Variants in NDUFAF2 observed in about 807,000 individuals in gnomAD.
The protein encoded by NDUFAF2 is NADH dehydrogenase [ubiquinone] 1 alpha subcomplex assembly factor 2.
NDUFAF2 carries 13 observed loss-of-function variants against 22.8 expected under a neutral mutation model. The ratio of observed to expected loss-of-function variants is 0.57; its 90% CI spans 0.37 to 0.91. The LOEUF (loss-of-function observed/expected upper bound fraction) is 0.91. Among genes scored for constraint, NDUFAF2 ranks in the 40% least tolerant of loss-of-function variants. The pLI, the probability that NDUFAF2 is intolerant of heterozygous loss-of-function variation, is 0.01. For missense variants in NDUFAF2, 162 were observed against 195.2 expected, an observed-to-expected ratio of 0.83 and a Z score of 1.01; for synonymous variants, 53 against 64.2, an observed-to-expected ratio of 0.83 and a Z score of 0.84.
At chr5:60,982,469 T>C (rs926076411) in intron 1 of NDUFAF2, among the ~76,000 whole-genome samples, 4 of 152,092 alleles carry the variant, frequency 2.6e-5, no homozygotes, top group African/African-American at 9.7e-5. Context: ...TACATATGTA[T>C]ATATGTGCCA....
intron 2 of NDUFAF2, among the ~76,000 whole-genome samples, chr5:61,075,365 A>T (rs1159499675): frequency 6.6e-6 from 1 of 152,142 alleles, no homozygotes; most frequent in Non-Finnish European, 1.5e-5. Context: ...AAATAAGTAG[A>T]TACCAAAGGT....
intron 3 of NDUFAF2, among the ~76,000 whole-genome samples, chr5:61,100,679 T>G (rs1297786089): frequency 6.6e-6 from 1 of 152,122 alleles, no homozygotes; most frequent in Non-Finnish European, 1.5e-5. Context: ...GAACCTCAAC[T>G]GAAATCCGTC....
At chr5:61,010,232 A>G (rs1561541189) in intron 1 of NDUFAF2, among the ~76,000 whole-genome samples, 1 of 152,102 alleles carries the variant, frequency 6.6e-6, no homozygotes, top group Non-Finnish European at 1.5e-5. Context: ...ATATGACTGT[A>G]GCTTTAATTC....
At chr5:60,995,626 A>G (rs1580085879) in intron 1 of NDUFAF2, among the ~76,000 whole-genome samples, 1 of 152,214 alleles carries the variant, frequency 6.6e-6, no homozygotes, top group Non-Finnish European at 1.5e-5. Context: ...ACTATGTCAG[A>G]CCTGAAGCCA....
chr5:61,040,286 A>ACACG lies in NDUFAF2; in HGVS notation c.128-32838_128-32837insACGC, dbSNP rs1491193758. 7.6e-3 allele frequency among the ~76,000 whole-genome samples: 707 copies of ACACG among 93,032 alleles called. 5 individuals are homozygous for ACACG. The highest frequency in any genetic ancestry group is 0.048 in the South Asian group (116 of 2,416). The allele number at this position is 93,032 out of a possible 152,430, so 61.0% of individuals were successfully genotyped here. ...CACACACACACACACACACACACACACGCGCGCGCGCGCGCGAAAGTTGAA... is the reference window on the plus strand; with the variant it reads ...CACACACACACACACACACACACACACACGCGCGCGCGCGCGCGCGAAAGTTGAA... On this transcript the variant is annotated intron_variant, in intron 1 of 3. Transcript: ENST00000296597.
chr5:61,062,343 T>C (rs913403194), intron 1 of NDUFAF2, among the ~76,000 whole-genome samples: 7 of 152,044 alleles, frequency 4.6e-5, no homozygotes, highest in Non-Finnish European at 1.0e-4. Context: ...GAATGAGAAA[T>C]TCAATATAGA....
chr5:61,136,005 T>TTATATATATATATATA lies in NDUFAF2; in HGVS notation c.259-16677_259-16662dup, dbSNP rs57756292. ...TTGGTCCCTACATCTAAGCCTGTCT[T>TTATATATATATATATA]TATATATATATATATATATATATAT... On this transcript the variant is annotated intron_variant, in intron 3 of 3. Transcript: ENST00000296597. Among the ~76,000 whole-genome samples, 407 of 95,822 alleles carry TTATATATATATATATA rather than the reference T, an allele frequency of 4.2e-3. 9 individuals carry two copies. Among genetic ancestry groups the TTATATATATATATATA allele is most frequent in the Non-Finnish European group, 5.1e-3 (255 of 49,698 alleles). 62.9% of individuals were successfully genotyped at this position (95,822 alleles called of 152,430 possible).
chr5:60,947,348 G>A (rs1441806558), intron 1 of NDUFAF2, among the ~76,000 whole-genome samples: 1 of 152,078 alleles, frequency 6.6e-6, no homozygotes, highest in Non-Finnish European at 1.5e-5. Context: ...GTATATAGTG[G>A]TATCTCATTG....
chr5:61,114,655 T>G (rs1464673810), intron 3 of NDUFAF2: 2 of 152,234 alleles, frequency 1.3e-5, no homozygotes, highest in African/African-American at 4.8e-5. Context: ...CAGTCTAGGC[T>G]TGTTTGCACC....
intron 1 of NDUFAF2, among the ~76,000 whole-genome samples, chr5:61,042,095 C>A (rs1247046177): frequency 2.0e-5 from 3 of 152,154 alleles, no homozygotes; most frequent in Non-Finnish European, 4.4e-5. Flanking sequence ...GGACTTAGAA[C>A]TATTATTTTA....
At chr5:61,009,813 T>G (rs1490700204) in intron 1 of NDUFAF2, among the ~76,000 whole-genome samples, 1 of 152,064 alleles carries the variant, frequency 6.6e-6, no homozygotes, top group African/African-American at 2.4e-5. Context: ...ATCAGATATT[T>G]AATGGGGCCT....
At chr5:61,064,724 G>A (rs1221634052) in intron 1 of NDUFAF2, among the ~76,000 whole-genome samples, 2 of 151,996 alleles carry the variant, frequency 1.3e-5, no homozygotes, top group East Asian at 3.8e-4. Flanking sequence ...ATGGGATGCA[G>A]CAAACGCATT....
intron 1 of NDUFAF2, among the ~76,000 whole-genome samples, chr5:60,954,083 A>G (rs1750582709): frequency 6.6e-6 from 1 of 152,066 alleles, no homozygotes; most frequent in African/African-American, 2.4e-5. Flanking sequence ...TTGGCTGTGT[A>G]TTTTAGACAA....
chr5:61,039,268 A>T (rs1239322218), intron 1 of NDUFAF2, among the ~76,000 whole-genome samples: 2 of 152,064 alleles, frequency 1.3e-5, no homozygotes, highest in Non-Finnish European at 2.9e-5. Flanking sequence ...AAAAAAAGAG[A>T]TGGGAAGAGA....
At chr5:61,027,637 C>A (rs1751667724) in intron 1 of NDUFAF2, among the ~76,000 whole-genome samples, 1 of 151,944 alleles carries the variant, frequency 6.6e-6, no homozygotes, top group South Asian at 2.1e-4. Flanking sequence ...TTAGGTCATT[C>A]ATGTAATCCA....
intron 3 of NDUFAF2, among the ~76,000 whole-genome samples, chr5:61,136,411 A>C (rs773109743): frequency 2.6e-5 from 4 of 152,096 alleles, no homozygotes; most frequent in Non-Finnish European, 4.4e-5. Flanking sequence ...CTCTCTCTCC[A>C]GTACAGTCTG....
At chr5:60,971,266 T>C (rs1750823476) in intron 1 of NDUFAF2, among the ~76,000 whole-genome samples, 1 of 150,076 alleles carries the variant, frequency 6.7e-6, no homozygotes, top group African/African-American at 2.4e-5. Context: ...TTACATTAGA[T>C]ATATCTTTTT....
chr5:60,949,334 T>C (rs1750509750), intron 1 of NDUFAF2, among the ~76,000 whole-genome samples: 1 of 152,236 alleles, frequency 6.6e-6, no homozygotes, highest in South Asian at 2.1e-4. Context: ...GCTTCTTCTA[T>C]TCAGCATAAT....
chr5:61,138,497 C>T (rs1740997190), intron 3 of NDUFAF2, among the ~76,000 whole-genome samples: 1 of 152,014 alleles, frequency 6.6e-6, no homozygotes, highest in South Asian at 2.1e-4. Context: ...ACAGCCTCCT[C>T]CCCCCCAGAT....
Sources: gnomAD v4.1 joint callset for allele counts (sites outside exome capture counted in the v4.1 genomes callset) on GRCh38, gnomAD v4.1.1 for gene constraint, MANE v1.5 for transcripts, NCBI Gene and HGNC (gene_info 2026-07-23, HGNC 2026-07-21) for gene names.